POU6F2: variants seen among roughly 807,000 people sequenced by gnomAD.
The protein encoded by POU6F2 is POU domain, class 6, transcription factor 2.
POU6F2 carries 31 observed loss-of-function variants against 71.3 expected under a neutral mutation model. That is an observed-to-expected ratio of 0.43 (90% CI 0.33 to 0.59). The LOEUF (loss-of-function observed/expected upper bound fraction) is 0.59. Among genes scored for constraint, POU6F2 ranks in the 20% least tolerant of loss-of-function variants. The probability of loss-of-function intolerance (pLI) is 0.04; values close to 1 mark genes in which losing one functional copy is unlikely to be tolerated. For missense variants in POU6F2, 783 were observed against 856.8 expected (o/e 0.91, Z 1.07); for synonymous variants, 347 against 355.7 (o/e 0.98, Z 0.27).
chr7:39,116,763 T>C (rs1311781257), intron 2 of POU6F2, among the ~76,000 whole-genome samples: 1 of 152,198 alleles, frequency 6.6e-6, no homozygotes, highest in African/African-American at 2.4e-5. Flanking sequence ...GTGTTAGATA[T>C]CCTGATGACC....
chr7:39,049,238 G>A (rs1790357259), intron 1 of POU6F2, among the ~76,000 whole-genome samples: 1 of 151,340 alleles, frequency 6.6e-6, no homozygotes, highest in Admixed American at 6.6e-5. Flanking sequence ...TTGTTTTTGG[G>A]TTTAGGTTGC....
chr7:39,062,844 G>T (rs1234958257), intron 1 of POU6F2, among the ~76,000 whole-genome samples: 1 of 138,944 alleles, frequency 7.2e-6, no homozygotes, highest in Admixed American at 7.6e-5. Flanking sequence ...TTGAGCCCAG[G>T]AGTTTTTTGT....
At chr7:39,052,106 C>A (rs1474536605) in intron 1 of POU6F2, among the ~76,000 whole-genome samples, 1 of 152,084 alleles carries the variant, frequency 6.6e-6, no homozygotes, top group Non-Finnish European at 1.5e-5. Flanking sequence ...CTTTGGAGAG[C>A]CTTGGAACAA....
chr7:38,983,430 T>G (rs1788376925), intron 1 of POU6F2, among the ~76,000 whole-genome samples: 1 of 149,928 alleles, frequency 6.7e-6, no homozygotes, highest in South Asian at 2.1e-4. Flanking sequence ...GTGTATCCAA[T>G]AAAGTAAATT....
chr7:39,449,494 G>A (rs1196033760), intron 7 of POU6F2, among the ~76,000 whole-genome samples: 1 of 152,168 alleles, frequency 6.6e-6, no homozygotes, highest in African/African-American at 2.4e-5. Flanking sequence ...TACATTGCTG[G>A]TGGGAACATA....
intron 2 of POU6F2, among the ~76,000 whole-genome samples, chr7:39,150,161 G>A (rs2128733986): frequency 6.6e-6 from 1 of 152,112 alleles, no homozygotes; most frequent in South Asian, 2.1e-4. Context: ...AAAGTGCTGA[G>A]ATTACAGGCG....
chr7:39,040,530 A>G (rs2128711752), intron 1 of POU6F2, among the ~76,000 whole-genome samples: 1 of 151,976 alleles, frequency 6.6e-6, no homozygotes, highest in Admixed American at 6.6e-5. Context: ...TAAAATGTAA[A>G]CTTGGTTTTG....
intron 1 of POU6F2, chr7:39,085,159 A>T (rs950420043): frequency 1.1e-4 from 17 of 152,160 alleles, no homozygotes; most frequent in Admixed American, 7.2e-4. Flanking sequence ...CTTAAAAAAA[A>T]TTTAAATCAA....
chr7:39,312,096 A>T lies in POU6F2; in HGVS notation c.599-27546A>T, dbSNP rs568956602. 9.8e-5 allele frequency among the ~76,000 whole-genome samples: 15 copies of T among 152,336 alleles called. No individual in the cohort carries two copies. In the South Asian group the frequency reaches 2.5e-3, roughly 25 times the overall value. ...GGAATTGCAGATTAAAGCAACTCACAGAAGAAAAAGATACGGAGGATAGAC... is the reference window on the plus strand; with the variant it reads ...GGAATTGCAGATTAAAGCAACTCACTGAAGAAAAAGATACGGAGGATAGAC... On this transcript the variant is annotated intron_variant, in intron 4 of 9. Transcript: ENST00000518318.
At chr7:39,419,105 ATATATACGTATATATGTG>A (rs1562544540) in intron 6 of POU6F2, among the ~76,000 whole-genome samples, 38 of 66,786 alleles carry the variant, frequency 5.7e-4, no homozygotes, top group East Asian at 5.2e-3. Flanking sequence ...ATATATACAC[ATATATACGTATATATGTG>A]TATATATACA....
intron 4 of POU6F2, among the ~76,000 whole-genome samples, chr7:39,208,047 A>G (rs1288619875): frequency 6.6e-6 from 1 of 152,200 alleles, no homozygotes; most frequent in Non-Finnish European, 1.5e-5. Flanking sequence ...ACAAGATATT[A>G]TTTGGAATAA....
intron 2 of POU6F2, among the ~76,000 whole-genome samples, chr7:39,101,807 T>A (rs895027131): frequency 6.6e-6 from 1 of 152,190 alleles, no homozygotes; most frequent in East Asian, 1.9e-4. Flanking sequence ...TGTATACATA[T>A]AACAAAACAT....
intron 2 of POU6F2, among the ~76,000 whole-genome samples, chr7:39,127,779 C>T (rs1020354301): frequency 1.3e-5 from 2 of 151,332 alleles, no homozygotes; most frequent in African/African-American, 4.9e-5. Context: ...TTTATATGAT[C>T]CTGTAGGCCA....
intron 4 of POU6F2, among the ~76,000 whole-genome samples, chr7:39,331,552 G>A (rs911864510): frequency 6.6e-6 from 1 of 152,070 alleles, no homozygotes; most frequent in Non-Finnish European, 1.5e-5. Context: ...CTGTCACTCT[G>A]GCTGGAGTGC....
At chr7:39,145,479 G>A (rs1792600684) in intron 2 of POU6F2, among the ~76,000 whole-genome samples, 1 of 152,250 alleles carries the variant, frequency 6.6e-6, no homozygotes, top group Non-Finnish European at 1.5e-5. Flanking sequence ...ATTTGCAAAT[G>A]TGTAGTGTTG....
At chr7:39,212,193 G>A (rs187382634) in intron 4 of POU6F2, among the ~76,000 whole-genome samples, 2 of 152,302 alleles carry the variant, frequency 1.3e-5, no homozygotes, top group African/African-American at 4.8e-5. Context: ...GAATGATGTG[G>A]TATGGAACAT....
intron 1 of POU6F2, among the ~76,000 whole-genome samples, chr7:39,006,379 G>T (rs1026031161): frequency 2.6e-5 from 4 of 152,082 alleles, no homozygotes; most frequent in African/African-American, 4.8e-5. Flanking sequence ...CAGGAGAATT[G>T]CTTGAACCTG....
chr7:39,271,049 T>C (rs12531819), intron 4 of POU6F2, among the ~76,000 whole-genome samples: 74,152 of 151,996 alleles, frequency 0.49, 19,686 homozygotes, highest in East Asian at 0.69. Context: ...CTGGGTAGTG[T>C]ATCCCTCAAT....
intron 4 of POU6F2, among the ~76,000 whole-genome samples, chr7:39,252,689 T>A (rs1043112883): frequency 6.6e-6 from 1 of 151,984 alleles, no homozygotes; most frequent in Non-Finnish European, 1.5e-5. Flanking sequence ...ATGTTCAGAG[T>A]CTTTGTGCTT....
Sources: gnomAD v4.1 joint callset for allele counts (sites outside exome capture counted in the v4.1 genomes callset) on GRCh38, gnomAD v4.1.1 for gene constraint, MANE v1.5 for transcripts, NCBI Gene and HGNC (gene_info 2026-07-23, HGNC 2026-07-21) for gene names.